MDGA2: variants seen among roughly 807,000 people sequenced by gnomAD.
MDGA2 encodes the protein MAM domain containing glycosylphosphatidylinositol anchor 2.
MDGA2 carries 40 observed loss-of-function variants against 117.8 expected under a neutral mutation model. That is an observed-to-expected ratio of 0.34 (90% CI 0.26 to 0.44). The LOEUF is 0.44. Ranked by LOEUF, MDGA2 falls within the 20% of genes least tolerant of loss-of-function variation. MDGA2 has a pLI of 1.00. For missense variants in MDGA2, 1,123 were observed against 1,250.6 expected, an observed-to-expected ratio of 0.90 and a Z score of 1.54; for synonymous variants, 452 against 439.0, an observed-to-expected ratio of 1.03 and a Z score of -0.37.
chr14:46,847,909 G>T (rs560196041), intron 15 of MDGA2, among the ~76,000 whole-genome samples: 2 of 152,078 alleles, frequency 1.3e-5, no homozygotes, highest in Admixed American at 1.3e-4. Context: ...CAAAAAGTAG[G>T]TTTTTAAGTC....
intron 3 of MDGA2, among the ~76,000 whole-genome samples, chr14:47,166,414 A>G (rs1355333633): frequency 6.6e-6 from 1 of 152,122 alleles, no homozygotes; most frequent in Non-Finnish European, 1.5e-5. Flanking sequence ...TATAGAATTT[A>G]TTTCATCAGT....
chr14:47,002,472 A>G (rs770531911), intron 8 of MDGA2, among the ~76,000 whole-genome samples: 4 of 152,140 alleles, frequency 2.6e-5, no homozygotes, highest in Admixed American at 6.6e-5. Context: ...TCACGCCTGT[A>G]ATCCCAGCAC....
chr14:46,902,665 C>T (rs140835493), intron 10 of MDGA2, among the ~76,000 whole-genome samples: 2 of 152,252 alleles, frequency 1.3e-5, no homozygotes, highest in Admixed American at 6.5e-5. Context: ...TGAGTTCCTT[C>T]CCACGATTTG....
chr14:46,923,200 A>C (rs1884199493), intron 9 of MDGA2, among the ~76,000 whole-genome samples: 1 of 152,186 alleles, frequency 6.6e-6, no homozygotes, highest in Non-Finnish European at 1.5e-5. Flanking sequence ...ATCAAATTTC[A>C]CTATAAAACG....
In MDGA2 at chr14:47,164,693, C is replaced by T. The variant is rs543603974; in HGVS notation, c.596-20419G>A. Among the ~76,000 whole-genome samples the T allele has an allele frequency of 6.0e-4, 91 of 152,218 alleles. 1 individual carries two copies. The South Asian group carries it at 7.9e-3, about 13-fold the overall frequency. ...TCAACCATTGTGGAAGACAGTGTGG[C>T]GATTCCTCAGGGATCTAGAACTGGA... On this transcript the variant is annotated intron_variant, in intron 3 of 16. Transcript: ENST00000399232.
chr14:47,319,713 G>T (rs1889922734), intron 1 of MDGA2, among the ~76,000 whole-genome samples: 1 of 152,004 alleles, frequency 6.6e-6, no homozygotes, highest in Admixed American at 6.6e-5. Context: ...TTGTTTGTTT[G>T]TCTTATGGCA....
chr14:47,089,105 T>C (rs954852686), intron 6 of MDGA2, among the ~76,000 whole-genome samples: 2 of 151,972 alleles, frequency 1.3e-5, no homozygotes, highest in Non-Finnish European at 2.9e-5. Context: ...TTTTCCTGAG[T>C]ATAAAAAGAA....
chr14:47,627,985 T>A (rs940993121), intron 1 of MDGA2, among the ~76,000 whole-genome samples: 7 of 152,138 alleles, frequency 4.6e-5, no homozygotes, highest in African/African-American at 1.7e-4. Context: ...GGTCCGCGGC[T>A]TCATTCTTGA....
intron 1 of MDGA2, among the ~76,000 whole-genome samples, chr14:47,493,907 C>G (rs1024381428): frequency 2.0e-5 from 3 of 152,090 alleles, no homozygotes; most frequent in Non-Finnish European, 4.4e-5. Flanking sequence ...GCTGTGTCCT[C>G]ATCCAAAATT....
chr14:47,616,729 A>T (rs1396143602), intron 1 of MDGA2, among the ~76,000 whole-genome samples: 1 of 152,190 alleles, frequency 6.6e-6, no homozygotes, highest in Non-Finnish European at 1.5e-5. Flanking sequence ...TAGATAATGG[A>T]CTATAAATGC....
intron 3 of MDGA2, among the ~76,000 whole-genome samples, chr14:47,199,484 T>A (rs974855464): frequency 1.3e-5 from 2 of 152,168 alleles, no homozygotes; most frequent in African/African-American, 2.4e-5. Flanking sequence ...TAAACTTTTA[T>A]CAGAAATGAA....
At chr14:47,243,306 C>A (rs953325573) in intron 2 of MDGA2, among the ~76,000 whole-genome samples, 4 of 151,636 alleles carry the variant, frequency 2.6e-5, no homozygotes, top group African/African-American at 9.7e-5. Flanking sequence ...AGCACCCTGA[C>A]AAAACAGCAC....
At chr14:47,667,765 CTA>C (rs1898001818) in intron 1 of MDGA2, among the ~76,000 whole-genome samples, 1 of 152,178 alleles carries the variant, frequency 6.6e-6, no homozygotes, top group African/African-American at 2.4e-5. Context: ...GTTTCCCCTT[CTA>C]CAGGATCACT....
At chr14:46,910,920 A>G (rs1883674689) in intron 10 of MDGA2, among the ~76,000 whole-genome samples, 1 of 152,176 alleles carries the variant, frequency 6.6e-6, no homozygotes, top group South Asian at 2.1e-4. Context: ...GCATGTTCTC[A>G]GTTATAACTG....
At chr14:46,887,006 A>G (rs1882703231) in intron 10 of MDGA2, among the ~76,000 whole-genome samples, 2 of 152,066 alleles carry the variant, frequency 1.3e-5, no homozygotes, top group African/African-American at 4.8e-5. Flanking sequence ...GATCTTTAAA[A>G]AGCATCTCCT....
At chr14:47,008,176 G>A (rs962183358) in intron 8 of MDGA2, among the ~76,000 whole-genome samples, 2 of 151,800 alleles carry the variant, frequency 1.3e-5, no homozygotes, top group Non-Finnish European at 1.5e-5. Context: ...CTATGTTTTA[G>A]AAATGTGTAT....
intron 2 of MDGA2, among the ~76,000 whole-genome samples, chr14:47,221,769 G>C (rs1886312394): frequency 6.6e-6 from 1 of 150,716 alleles, no homozygotes; most frequent in Non-Finnish European, 1.5e-5. Flanking sequence ...TAGGGCAAAG[G>C]TAAAAGAAAA....
intron 8 of MDGA2, among the ~76,000 whole-genome samples, chr14:46,967,325 CCAAGT>C (rs942177071): frequency 6.6e-6 from 1 of 152,072 alleles, no homozygotes; most frequent in African/African-American, 2.4e-5. Flanking sequence ...CCACATCTTC[CCAAGT>C]CAAAAGCATG....
chr14:47,067,758 C>T (rs941902323), intron 6 of MDGA2, among the ~76,000 whole-genome samples: 2 of 152,096 alleles, frequency 1.3e-5, no homozygotes, highest in African/African-American at 4.8e-5. Context: ...TAATCTTTCT[C>T]ATTTGCTTGA....
Sources: gnomAD v4.1 joint callset for allele counts (sites outside exome capture counted in the v4.1 genomes callset) on GRCh38, gnomAD v4.1.1 for gene constraint, MANE v1.5 for transcripts, NCBI Gene and HGNC (gene_info 2026-07-23, HGNC 2026-07-21) for gene names.